PDZD2: variants seen among roughly 807,000 people sequenced by gnomAD.
PDZD2 encodes PDZ domain containing 2, also known as PDZ domain-containing protein 2.
A neutral mutation model predicts 220.7 loss-of-function variants in PDZD2; 90 were observed. The ratio of observed to expected loss-of-function variants is 0.41; its 90% CI spans 0.34 to 0.49. The LOEUF (loss-of-function observed/expected upper bound fraction) is 0.49, where lower values mean the gene tolerates loss of function less well. Ranked by LOEUF, PDZD2 falls within the 20% of genes least tolerant of loss-of-function variation. PDZD2 has a pLI of 0.28. For missense variants in PDZD2, 3,174 were observed against 3,608.5 expected, an observed-to-expected ratio of 0.88 and a Z score of 3.08; for synonymous variants, 1,375 against 1,450.5, an observed-to-expected ratio of 0.95 and a Z score of 1.18.
At chr5:31,898,066 G>A (rs1973532) in intron 2 of PDZD2, among the ~76,000 whole-genome samples, 89,816 of 152,004 alleles carry the variant, frequency 0.59, 28,114 homozygotes, top group Middle Eastern at 0.74. Flanking sequence ...TTCTCTCCCC[G>A]TCTAGAGGGT....
At chr5:32,067,452 G>A (rs1232848828) in intron 14 of PDZD2, among the ~76,000 whole-genome samples, 1 of 152,148 alleles carries the variant, frequency 6.6e-6, no homozygotes, top group African/African-American at 2.4e-5. Flanking sequence ...GTGTGTGTAA[G>A]TATATATGCC....
rs531296373 is a variant in PDZD2, at chr5:31,809,713, G to A, written c.476+9989G>A. Among the ~76,000 whole-genome samples the A allele has an allele frequency of 2.6e-3, 403 of 152,250 alleles. 2 individuals carry two copies. The highest frequency in any genetic ancestry group is 9.1e-3 in the African/African-American group (379 of 41,558). ...GGCAAACTTGGCCACACCCTCCGTC[G>A]CAGCCCACAGATCATTGTTGAAAGC... is the stretch of plus-strand genomic sequence containing the variant. On this transcript the variant is annotated intron_variant, in intron 2 of 24. Transcript: ENST00000438447.
At chr5:31,974,760 A>G (rs879359717) in intron 2 of PDZD2, among the ~76,000 whole-genome samples, 8 of 152,238 alleles carry the variant, frequency 5.3e-5, no homozygotes, top group Middle Eastern at 3.4e-3. Context: ...CCACTGCTAA[A>G]CTATGTGGTG....
At chr5:31,805,358 C>G (rs1669470750) in intron 2 of PDZD2, among the ~76,000 whole-genome samples, 1 of 152,180 alleles carries the variant, frequency 6.6e-6, no homozygotes. Context: ...GTCTTTGTGA[C>G]TGACTGTTTC....
At position 32,088,503 on chromosome 5, in the gene PDZD2, A is replaced by G; in HGVS notation, c.5055A>G (p.Ser1685=). 3 of 1,614,126 alleles carry G rather than the reference A, an allele frequency of 1.9e-6. No homozygotes were observed. The highest frequency in any genetic ancestry group is 1.7e-6 in the Non-Finnish European group (2 of 1,180,018). The change falls in exon 20 of 25, where the codon TCA becomes TCG. Residue 1685 remains serine, a synonymous_variant. Coordinates refer to ENST00000438447, the MANE Select transcript of PDZD2 (RefSeq NM_178140.4). This position sits in a 1 kb window ranked among gnomAD's most constrained non-coding sequence, Gnocchi z 4.6. Reference sequence around the variant, plus strand: ...AAACTCATGCGGACATAAGCACTTCACAGAACCACAGGCCCTCGTGTGCAG... The same window carrying G: ...AAACTCATGCGGACATAAGCACTTCGCAGAACCACAGGCCCTCGTGTGCAG... ...EHETHADIST[S]QNHRPSCAEE... is the part of the protein sequence containing the mutation.
chr5:31,972,229 T>C (rs1253807170), intron 2 of PDZD2, among the ~76,000 whole-genome samples: 5 of 152,144 alleles, frequency 3.3e-5, no homozygotes, highest in African/African-American at 1.2e-4. Flanking sequence ...TTCTCTAGCC[T>C]CAGCCTCCCA....
intron 7 of PDZD2, among the ~76,000 whole-genome samples, chr5:32,043,859 T>G (rs890138128): frequency 6.6e-6 from 1 of 151,994 alleles, no homozygotes; most frequent in African/African-American, 2.4e-5. Flanking sequence ...ACTCCTGACC[T>G]AAAGTGATCC....
intron 5 of PDZD2, among the ~76,000 whole-genome samples, chr5:32,003,693 T>C: frequency 6.6e-6 from 1 of 152,076 alleles, no homozygotes; most frequent in East Asian, 1.9e-4. Flanking sequence ...TTGTTAGTTT[T>C]TTTGTTTTTG....
At chr5:31,758,769 G>C (rs1751448241) in intron 1 of PDZD2, among the ~76,000 whole-genome samples, 1 of 152,164 alleles carries the variant, frequency 6.6e-6, no homozygotes, top group African/African-American at 2.4e-5. Context: ...GAAGGGTGGA[G>C]AAAGCACCCC....
intron 1 of PDZD2, among the ~76,000 whole-genome samples, chr5:31,665,712 G>GT (rs1221151697): frequency 1.5e-5 from 2 of 135,190 alleles, no homozygotes; most frequent in Admixed American, 8.7e-5. Context: ...TGCCATGATT[G>GT]TAAGTTTCCT....
At chr5:31,988,874 C>T (rs1237312428) in intron 3 of PDZD2, among the ~76,000 whole-genome samples, 1 of 152,166 alleles carries the variant, frequency 6.6e-6, no homozygotes, top group Non-Finnish European at 1.5e-5. Flanking sequence ...CCTCAAGACA[C>T]CCTCCTGTAG....
At position 32,089,055 on chromosome 5, in the gene PDZD2, A is replaced by C. The variant is rs568456140; in HGVS notation, c.5607A>C (p.Ala1869=). ...AGGACCTGTCTAAGAAGAGTCCGGC[A>C]GAAATGCTTCTGACTAATGGTCAGA... The part of the protein sequence containing the change: ...ENKDLSKKSP[A]EMLLTNGQKA... The change falls in exon 20 of 25, where the codon GCA becomes GCC. Residue 1869 remains alanine (A), a synonymous_variant. Transcript: ENST00000438447. The C allele has an allele frequency of 3.7e-5, 59 of 1,614,016 alleles. 1 individual carries two copies. The South Asian group carries it at 6.0e-4, about 17-fold the overall frequency.
In PDZD2 at chr5:31,706,994, T is replaced by G. The variant is rs1186877010; in HGVS notation, c.-361+67557T>G. ...TTTGGAGGTAGGGCTTTTAAGGAGGTAATTAAAGTTAAATGAGATCTTAAG... is the reference window on the plus strand; with the variant it reads ...TTTGGAGGTAGGGCTTTTAAGGAGGGAATTAAAGTTAAATGAGATCTTAAG... On this transcript the variant is annotated intron_variant, in intron 1 of 24. Coordinates refer to ENST00000438447, the MANE Select transcript of PDZD2 (RefSeq NM_178140.4). Among the ~76,000 whole-genome samples, 4 of 151,422 alleles carry G rather than the reference T, an allele frequency of 2.6e-5. No homozygotes were observed. The East Asian group carries it at 7.8e-4, about 30-fold the overall frequency.
chr5:31,701,018 AG>A (rs554595153), intron 1 of PDZD2, among the ~76,000 whole-genome samples: 25 of 152,268 alleles, frequency 1.6e-4, no homozygotes, highest in Non-Finnish European at 3.2e-4. Flanking sequence ...GCTGTGCCCA[AG>A]GGGGGACAGG....
chr5:31,890,081 G>T (rs779104600), intron 2 of PDZD2, among the ~76,000 whole-genome samples: 1 of 126,948 alleles, frequency 7.9e-6, no homozygotes, highest in Non-Finnish European at 1.6e-5. Flanking sequence ...AAACAAAACC[G>T]TAAGAAACAT....
chr5:31,649,937 CAAAAAAAA>C (rs6148975), intron 1 of PDZD2, among the ~76,000 whole-genome samples: 80 of 73,508 alleles, frequency 1.1e-3, no homozygotes, highest in African/African-American at 4.0e-3. Context: ...GACTCCGTCT[CAAAAAAAA>C]AAAAAAAAAA....
chr5:31,785,716 C>T (rs1195358943), intron 1 of PDZD2, among the ~76,000 whole-genome samples: 4 of 152,098 alleles, frequency 2.6e-5, no homozygotes, highest in Non-Finnish European at 4.4e-5. Context: ...GCTAGGATTA[C>T]AGGCATGAGC....
chr5:31,691,364 T>C (rs969940794), intron 1 of PDZD2, among the ~76,000 whole-genome samples: 2 of 151,868 alleles, frequency 1.3e-5, no homozygotes, highest in Non-Finnish European at 2.9e-5. Context: ...GAGTGAGCAG[T>C]AGCAAGATTT....
intron 6 of PDZD2, among the ~76,000 whole-genome samples, chr5:32,013,950 G>C (rs564283842): frequency 1.3e-5 from 2 of 152,350 alleles, no homozygotes; most frequent in East Asian, 3.9e-4. Context: ...CCTGCAGGGG[G>C]CAGGAAGTGT....
Sources: gnomAD v4.1 joint callset for allele counts (sites outside exome capture counted in the v4.1 genomes callset) on GRCh38, gnomAD v4.1.1 for gene constraint, Gnocchi (gnomAD v3.1) non-coding constraint, MANE v1.5 for transcripts, NCBI Gene and HGNC (gene_info 2026-07-23, HGNC 2026-07-21) for gene names.